The following DHRS1 variants were observed in gnomAD, a reference collection of about 807,000 sequenced individuals.
The protein encoded by DHRS1 is dehydrogenase/reductase 1, also known as dehydrogenase/reductase SDR family member 1.
DHRS1 carries 34 observed loss-of-function variants against 35.2 expected under a neutral mutation model. That is an observed-to-expected ratio of 0.97 (90% CI 0.74 to 1.29). The LOEUF is 1.29. Among genes scored for constraint, DHRS1 ranks in the 50% most tolerant of loss-of-function variants. The pLI is 0.00. For missense variants in DHRS1, 354 were observed against 403.6 expected, an observed-to-expected ratio of 0.88 and a Z score of 1.05; for synonymous variants, 133 against 160.0, an observed-to-expected ratio of 0.83 and a Z score of 1.27.
chr14:24,292,823 T>G (rs1594604438), intron 4 of DHRS1, 39 bp from the exon 5 acceptor site: 13 of 1,592,652 alleles, frequency 8.2e-6, no homozygotes, highest in Non-Finnish European at 1.1e-5. Flanking sequence ...TGAACCGTGT[T>G]AGTGCTGGCC....
At chr14:24,291,288 T>A (rs765513848) in intron 7 of DHRS1, 69 bp from the exon 8 acceptor site, 1 of 1,510,844 alleles carries the variant, frequency 6.6e-7, no homozygotes, top group Non-Finnish European at 9.2e-7. Flanking sequence ...TTGGGCCCAG[T>A]TGGACAGGGC....
At chr14:24,293,988 G>A (rs1248915864) in intron 4 of DHRS1, 1 of 152,210 alleles carries the variant, frequency 6.6e-6, no homozygotes, top group Non-Finnish European at 1.5e-5. Context: ...TGTCAAATCA[G>A]TGGGGGAAAG....
Position 24,292,727 on chromosome 14 carries a change from C to T in DHRS1, c.432G>A (p.Gly144=). ...CTGGGGAGGAGATGACCACGATGAG[C>T]CCCTGGCCAGCTGGTACCATCAGCC... ...GARLMVPAGQ[G]LIVVISSPGS... Residue 144 remains glycine, a synonymous_variant, in exon 5 of 9, where the codon GGG becomes GGA. Coordinates refer to ENST00000288111, the MANE Select transcript of DHRS1 (RefSeq NM_001136050.3). 6.2e-7 allele frequency: 1 copy of T among 1,614,192 alleles called. No homozygotes were observed. Among genetic ancestry groups the T allele is most frequent in the Non-Finnish European group, 8.5e-7 (1 of 1,180,030 alleles).
chr14:24,292,479 C>T (rs758529423), intron 5 of DHRS1, 149 bp from the exon 6 acceptor site: 5 of 1,474,222 alleles, frequency 3.4e-6, no homozygotes, highest in Non-Finnish European at 4.6e-6. Context: ...AGTGTGATGC[C>T]TACTCTAGCC....
intron 1 of DHRS1, 117 bp from the exon 2 acceptor site, chr14:24,299,247 C>T: frequency 1.0e-6 from 1 of 997,766 alleles, no homozygotes; most frequent in South Asian, 1.7e-5. Context: ...AGGTAAGAAT[C>T]CTTTGAGGGG....
chr14:24,297,890 C>T (rs1464095613), intron 2 of DHRS1, among the ~76,000 whole-genome samples: 2 of 152,220 alleles, frequency 1.3e-5, no homozygotes, highest in Non-Finnish European at 2.9e-5. Flanking sequence ...CTTTCCCAAA[C>T]CACTTTCCCT....
chr14:24,292,023 G>T, intron 6 of DHRS1, 161 bp downstream of exon 6: 2 of 915,182 alleles, frequency 2.2e-6, no homozygotes, highest in Non-Finnish European at 3.3e-6. Context: ...GAATGGAGCT[G>T]GTATCTCCCT....
Position 24,292,301 on chromosome 14 carries a change from G to A in DHRS1, c.537C>T (p.His179=), listed in dbSNP as rs773060962. The A allele has an allele frequency of 1.7e-5, 28 of 1,613,912 alleles. No homozygotes were observed. The Admixed American group carries it at 2.0e-4, about 12-fold the overall frequency. The change falls in exon 6 of 9, where the codon CAC becomes CAT. Residue 179 remains histidine (H), a synonymous_variant. Transcript: ENST00000288111. ...ACDKLAADCA[H]ELRRHGVSCV... is the part of the protein sequence containing the mutation. ...AGCTGACCCCATGGCGCCGCAGCTC[G>A]TGGGCACAGTCAGCAGCCAGCTTGT...
At chr14:24,292,819 G>C in intron 4 of DHRS1, 35 bp from the exon 5 acceptor site, 1 of 1,593,656 alleles carries the variant, frequency 6.3e-7, no homozygotes, top group Non-Finnish European at 8.5e-7. Flanking sequence ...GGAATGAACC[G>C]TGTTAGTGCT....
intron 6 of DHRS1, 83 bp from the exon 7 acceptor site, chr14:24,291,708 G>A: frequency 7.0e-7 from 1 of 1,435,362 alleles, no homozygotes; most frequent in Non-Finnish European, 9.8e-7. Context: ...TTCTGTTCCA[G>A]GAGAAAAAGA....
At chr14:24,294,860 A>G (rs1259565327) in intron 4 of DHRS1, among the ~76,000 whole-genome samples, 1 of 152,232 alleles carries the variant, frequency 6.6e-6, no homozygotes, top group Non-Finnish European at 1.5e-5. Flanking sequence ...GGCTTATTAT[A>G]GTAACAAAGC....
At chr14:24,295,902 A>G (rs905968939) in intron 4 of DHRS1, among the ~76,000 whole-genome samples, 6 of 152,216 alleles carry the variant, frequency 3.9e-5, no homozygotes, top group Admixed American at 1.3e-4. Context: ...TCCATCAGGC[A>G]TGACTTGATT....
Position 24,291,455 on chromosome 14 carries a change from A to C in DHRS1, c.724+101T>G, listed in dbSNP as rs183087763. 5 of 1,311,120 alleles carry C rather than the reference A, an allele frequency of 3.8e-6. No individual in the cohort carries two copies. The Admixed American group carries it at 8.4e-5, about 22-fold the overall frequency. The allele number at this position is 1,311,120 out of a possible 1,614,324, so 81.2% of individuals were successfully genotyped here. A position where few individuals can be genotyped will look rare whatever the true frequency, so the allele number is the denominator to read the frequency against. ...CTCAAAAAGCAGAGAAAAGAATGAC[A>C]TGTTCCTCAACCAACTCCCGAGCCA... On this transcript the variant is annotated intron_variant, in intron 7 of 8. Coordinates refer to ENST00000288111, the MANE Select transcript of DHRS1 (RefSeq NM_001136050.3).
chr14:24,290,998 G>T lies in DHRS1; in HGVS notation c.806-3C>A. ...CAAATAGTCTTGGACGGGGCGGCCT[G>T]GGAACAACAGGAGGAGGAGGATTAG... On this transcript the variant is annotated splice_polypyrimidine_tract_variant and splice_region_variant and intron_variant, in intron 8 of 8. Transcript: ENST00000288111. 6.2e-7 allele frequency: 1 copy of T among 1,614,042 alleles called. No homozygotes were observed. Among genetic ancestry groups the T allele is most frequent in the South Asian group, 1.1e-5 (1 of 91,064 alleles).
Position 24,296,737 on chromosome 14 carries a change from C to T in DHRS1, c.294+1G>A, listed in dbSNP as rs1396015648. On this transcript the variant is annotated splice_donor_variant, in intron 3 of 8. Transcript: ENST00000288111. LOFTEE classifies it high-confidence loss of function. ...AGTTGGGAACAAAGTTCAAAGGGTA[C>T]CTGGACCCCTGCATAAGCATTGTTG... 3 of 1,614,156 alleles carry T rather than the reference C, an allele frequency of 1.9e-6. No homozygotes were observed. Among genetic ancestry groups the T allele is most frequent in the Non-Finnish European group, 2.5e-6 (3 of 1,180,032 alleles).
intron 2 of DHRS1, chr14:24,298,735 A>T: frequency 3.8e-6 from 2 of 532,446 alleles, no homozygotes; most frequent in Non-Finnish European, 6.4e-6. Flanking sequence ...ACGTGCCACC[A>T]TGCCTGGCTC....
chr14:24,299,190 G>T (rs1403095249), intron 1 of DHRS1, 60 bp from the exon 2 acceptor site: 1 of 1,472,440 alleles, frequency 6.8e-7, no homozygotes, highest in African/African-American at 1.4e-5. Flanking sequence ...GTTGGGGCGA[G>T]GTTGGGGGGT....
chr14:24,292,607 T>A (rs1594603940), intron 5 of DHRS1, 45 bp downstream of exon 5: 3 of 1,614,090 alleles, frequency 1.9e-6, no homozygotes, highest in Non-Finnish European at 2.5e-6. Flanking sequence ...ATAGGTAACA[T>A]CACTGTCTTT....
chr14:24,291,358 T>C (rs2041155024), intron 7 of DHRS1, 139 bp from the exon 8 acceptor site: 1 of 1,108,550 alleles, frequency 9.0e-7, no homozygotes, highest in Non-Finnish European at 1.4e-6. Flanking sequence ...GGCCTTGGAC[T>C]TTTTCCACAC....
Sources: gnomAD v4.1 joint callset for allele counts (sites outside exome capture counted in the v4.1 genomes callset) on GRCh38, gnomAD v4.1.1 for gene constraint, MANE v1.5 for transcripts, NCBI Gene and HGNC (gene_info 2026-07-23, HGNC 2026-07-21) for gene names.